MIA2: variants seen among roughly 807,000 people sequenced by gnomAD.
MIA2 encodes melanoma inhibitory activity protein 2.
Under a neutral mutation model 167.8 loss-of-function variants are expected in MIA2, and 127 were observed. The ratio of observed to expected loss-of-function variants is 0.76; its 90% confidence interval spans 0.66 to 0.88. The LOEUF is 0.88. Ranked by LOEUF, MIA2 falls within the 40% of genes least tolerant of loss-of-function variation. The pLI, the probability that MIA2 is intolerant of heterozygous loss-of-function variation, is 0.00. For synonymous variants in MIA2, 552 were observed against 541.9 expected, an observed-to-expected ratio of 1.02 and a Z score of -0.26; for missense variants, 1,690 against 1,624.7, an observed-to-expected ratio of 1.04 and a Z score of -0.69.
chr14:39,336,718 C>A (rs1462940792), intron 25 of MIA2, among the ~76,000 whole-genome samples: 1 of 152,116 alleles, frequency 6.6e-6, no homozygotes, highest in African/African-American at 2.4e-5. Context: ...GTTTTCACTC[C>A]TTTATCTTTT....
intron 25 of MIA2, among the ~76,000 whole-genome samples, chr14:39,337,397 G>T (rs1012706803): frequency 6.6e-6 from 1 of 152,158 alleles, no homozygotes; most frequent in African/African-American, 2.4e-5. Context: ...AATTCAGCAA[G>T]TATATAGAAG....
intron 9 of MIA2, among the ~76,000 whole-genome samples, 154 bp downstream of exon 9, chr14:39,279,691 T>TA (rs1275731336): frequency 6.6e-6 from 1 of 152,210 alleles, no homozygotes; most frequent in Non-Finnish European, 1.5e-5. Flanking sequence ...TAACCAGTCT[T>TA]ACTAATTTTA....
At chr14:39,322,539 CAA>C (rs541740480) in intron 24 of MIA2, among the ~76,000 whole-genome samples, 426 of 78,198 alleles carry the variant, frequency 5.4e-3, no homozygotes, top group African/African-American at 0.011. Context: ...GACTCCGTCT[CAA>C]AAAAAAAAAA....
chr14:39,386,067 T>A, intron 23 of MIA2: 1 of 1,258,262 alleles, frequency 7.9e-7, no homozygotes, highest in Non-Finnish European at 1.1e-6. Flanking sequence ...AAAGGCCTAC[T>A]GTCTTTAAGA....
chr14:39,311,466 C>CTTTTTTTTTTTTTTTTTTTTTTT (rs35478238), intron 18 of MIA2, among the ~76,000 whole-genome samples: 2 of 43,322 alleles, frequency 4.6e-5, no homozygotes. Context: ...TGATGTGTTG[C>CTTTTTTTTTTTTTTTTTTTTTTT]TTTTTTTTTT....
intron 23 of MIA2, among the ~76,000 whole-genome samples, chr14:39,358,865 C>T (rs1333236684): frequency 8.5e-5 from 13 of 152,166 alleles, no homozygotes; most frequent in African/African-American, 2.4e-4. Flanking sequence ...TGCAGAACAG[C>T]GGATATTGGT....
chr14:39,326,593 T>C (rs1176947273), intron 24 of MIA2, among the ~76,000 whole-genome samples: 1 of 149,538 alleles, frequency 6.7e-6, no homozygotes, highest in Non-Finnish European at 1.5e-5. Flanking sequence ...TCATTTATGC[T>C]TTTTATTTAA....
chr14:39,334,944 C>T, intron 25 of MIA2, among the ~76,000 whole-genome samples: 1 of 152,036 alleles, frequency 6.6e-6, no homozygotes, highest in East Asian at 1.9e-4. Flanking sequence ...TCATGGTTTT[C>T]TCTCTTTCAA....
At chr14:39,377,046 C>T (rs991657813) in intron 23 of MIA2, among the ~76,000 whole-genome samples, 2 of 152,142 alleles carry the variant, frequency 1.3e-5, no homozygotes, top group East Asian at 3.8e-4. Context: ...CATTTCTCCC[C>T]ACTTTTCTTT....
intron 19 of MIA2, among the ~76,000 whole-genome samples, chr14:39,313,801 G>C (rs1283898611): frequency 1.3e-5 from 2 of 152,062 alleles, no homozygotes; most frequent in Non-Finnish European, 2.9e-5. Context: ...TAATATTAGT[G>C]AATCAATAGG....
At chr14:39,334,950 T>C (rs1002093267) in intron 25 of MIA2, among the ~76,000 whole-genome samples, 1 of 152,218 alleles carries the variant, frequency 6.6e-6, no homozygotes, top group Admixed American at 6.5e-5. Context: ...TTTTCTCTCT[T>C]TCAAAATATG....
intron 23 of MIA2, among the ~76,000 whole-genome samples, chr14:39,381,486 A>G (rs1253446238): frequency 6.6e-6 from 1 of 152,214 alleles, no homozygotes. Flanking sequence ...ATGAAAATAT[A>G]AAGCCAGAAA....
rs376081803 is a variant in MIA2 at position 39,294,920 on chromosome 14, C to T, written c.2392-5C>T. ...TACAAACTTGACATTTTTTGTTTCACTTAGGCCAAAATGACCTTCAAGATA... is the reference window on the plus strand; with the variant it reads ...TACAAACTTGACATTTTTTGTTTCATTTAGGCCAAAATGACCTTCAAGATA... On this transcript the variant is annotated splice_region_variant and splice_polypyrimidine_tract_variant and intron_variant, in intron 12 of 28. Transcript: ENST00000640607. 1.1e-5 allele frequency: 18 copies of T among 1,600,930 alleles called. No homozygotes were observed. The African/African-American group carries it at 1.9e-4, about 17-fold the overall frequency.
At chr14:39,377,130 C>G (rs572391008) in intron 23 of MIA2, among the ~76,000 whole-genome samples, 7 of 151,564 alleles carry the variant, frequency 4.6e-5, no homozygotes, top group Non-Finnish European at 7.4e-5. Flanking sequence ...TCTTTTGTGG[C>G]TAGGACAGTT....
intron 6 of MIA2, chr14:39,266,980 G>T: frequency 1.3e-6 from 1 of 759,128 alleles, no homozygotes; most frequent in Non-Finnish European, 1.6e-6. Context: ...GGAGTATGAG[G>T]CCGAATCTCA....
intron 6 of MIA2, among the ~76,000 whole-genome samples, chr14:39,254,207 G>A (rs1364328633): frequency 1.3e-5 from 2 of 152,128 alleles, no homozygotes; most frequent in African/African-American, 2.4e-5. Flanking sequence ...GACAAAGAAA[G>A]GATAGGCATT....
At chr14:39,326,762 G>A (rs2067636609) in intron 24 of MIA2, 102 bp from the exon 25 acceptor site, 3 of 1,052,388 alleles carry the variant, frequency 2.9e-6, no homozygotes, top group Non-Finnish European at 4.0e-6. Flanking sequence ...TTCAGACTTT[G>A]TATTTATAAT....
In MIA2 at chr14:39,347,705, A is replaced by G. The variant is rs971254867; in HGVS notation, c.3779-8A>G. On this transcript the variant is annotated splice_polypyrimidine_tract_variant and splice_region_variant and intron_variant, in intron 26 of 28. Transcript: ENST00000640607. ...ATGTACTTTTCATGGTTTAACTTTT[A>G]TGTCTAGATGGGTCAATGCCTTCAG... 2 of 1,607,952 alleles carry G rather than the reference A, an allele frequency of 1.2e-6. No homozygotes were observed. Among genetic ancestry groups the G allele is most frequent in the East Asian group, 2.2e-5 (1 of 44,498 alleles).
chr14:39,380,088 T>G (rs1458438623), intron 23 of MIA2, among the ~76,000 whole-genome samples: 2 of 152,138 alleles, frequency 1.3e-5, no homozygotes, highest in Non-Finnish European at 2.9e-5. Flanking sequence ...TAAAATAATT[T>G]AGATATATTA....
Sources: gnomAD v4.1 joint callset for allele counts (sites outside exome capture counted in the v4.1 genomes callset) on GRCh38, gnomAD v4.1.1 for gene constraint, MANE v1.5 for transcripts, NCBI Gene and HGNC (gene_info 2026-07-23, HGNC 2026-07-21) for gene names.